The following HDAC9 variants were observed in gnomAD, a reference collection of about 807,000 sequenced individuals.
HDAC9 encodes MEF-2 interacting transcription repressor (MITR) protein.
Under a neutral mutation model 139.4 loss-of-function variants are expected in HDAC9, and 41 were observed. That is an observed-to-expected ratio of 0.29 (90% CI 0.23 to 0.38). HDAC9 has a LOEUF of 0.38. Among genes scored for constraint, HDAC9 ranks in the 10% least tolerant of loss-of-function variants. The pLI, the probability that HDAC9 is intolerant of heterozygous loss-of-function variation, is 1.00. For missense variants in HDAC9, 1,147 were observed against 1,297.0 expected, an observed-to-expected ratio of 0.88 and a Z score of 1.78; for synonymous variants, 517 against 476.2, an observed-to-expected ratio of 1.09 and a Z score of -1.12.
chr7:18,907,587 T>G (rs1234926974), intron 22 of HDAC9, among the ~76,000 whole-genome samples: 1 of 152,224 alleles, frequency 6.6e-6, no homozygotes, highest in Admixed American at 6.5e-5. Context: ...GACCACAGGC[T>G]TTCTGGGAAG....
intron 1 of HDAC9, among the ~76,000 whole-genome samples, chr7:18,486,935 A>G (rs564920554): frequency 2.1e-4 from 32 of 152,104 alleles, no homozygotes; most frequent in South Asian, 4.1e-4. Flanking sequence ...GTAGATTCAT[A>G]TGTATCTATT....
chr7:18,281,128 T>A (rs1339610861), intron 2 of HDAC9, among the ~76,000 whole-genome samples: 1 of 152,190 alleles, frequency 6.6e-6, no homozygotes, highest in Non-Finnish European at 1.5e-5. Context: ...GCTTAGTTTG[T>A]GAGTCTGAGA....
At chr7:18,292,016 A>G (rs1407824128) in intron 1 of HDAC9, among the ~76,000 whole-genome samples, 1 of 152,136 alleles carries the variant, frequency 6.6e-6, no homozygotes, top group Non-Finnish European at 1.5e-5. Context: ...CAGGGCTGCA[A>G]GTTGCTCAGA....
At chr7:18,521,964 A>G (rs1229556938) in intron 2 of HDAC9, among the ~76,000 whole-genome samples, 1 of 152,190 alleles carries the variant, frequency 6.6e-6, no homozygotes, top group Non-Finnish European at 1.5e-5. Flanking sequence ...AGGAAAAATC[A>G]GTTATTGAAA....
At chr7:18,927,863 C>T (rs1389891103) in intron 22 of HDAC9, among the ~76,000 whole-genome samples, 1 of 152,080 alleles carries the variant, frequency 6.6e-6, no homozygotes, top group African/African-American at 2.4e-5. Flanking sequence ...ATGGAGGTTG[C>T]CAGAATCATT....
chr7:18,253,449 A>G (rs559056727), intron 2 of HDAC9, among the ~76,000 whole-genome samples: 1 of 152,256 alleles, frequency 6.6e-6, no homozygotes, highest in East Asian at 1.9e-4. Context: ...GCCATTCTTA[A>G]TGGTATGAGA....
At chr7:18,875,586 A>C (rs954440849) in intron 22 of HDAC9, among the ~76,000 whole-genome samples, 10 of 152,184 alleles carry the variant, frequency 6.6e-5, no homozygotes, top group African/African-American at 2.4e-4. Context: ...ACTATTTTTA[A>C]CATGTATTAT....
upstream of HDAC9, among the ~76,000 whole-genome samples, chr7:18,287,772 G>A (rs551846126): frequency 2.4e-4 from 37 of 152,314 alleles, no homozygotes; most frequent in Admixed American, 1.6e-3. Context: ...TTTTCAATGA[G>A]GCTGTACTGG....
Position 18,261,627 on chromosome 7 carries a change from C to T in HDAC9, c.25+99278C>T, listed in dbSNP as rs1251643118. On this transcript the variant is annotated intron_variant, in intron 2 of 12. Transcript: ENST00000417496. ...TGAGATGCAATATAAAGTACCCACG[C>T]AAAAGGTTTGAGGCTTATGCAGAAA... Among the ~76,000 whole-genome samples the T allele has an allele frequency of 2.6e-5, 4 of 152,246 alleles. No individual in the cohort carries two copies. In the East Asian group the frequency reaches 7.7e-4, roughly 29 times the overall value.
chr7:18,200,597 G>T, intron 2 of HDAC9, among the ~76,000 whole-genome samples: 1 of 152,162 alleles, frequency 6.6e-6, no homozygotes, highest in Non-Finnish European at 1.5e-5. Flanking sequence ...TCATCCGCAA[G>T]CTAATATGGG....
chr7:18,856,093 G>A (rs1339321265), intron 21 of HDAC9, among the ~76,000 whole-genome samples: 1 of 152,096 alleles, frequency 6.6e-6, no homozygotes, highest in Non-Finnish European at 1.5e-5. Flanking sequence ...AGTCATGGGA[G>A]ATGAATCCTG....
intron 12 of HDAC9, among the ~76,000 whole-genome samples, chr7:18,713,765 G>T (rs1169439870): frequency 6.6e-6 from 1 of 152,110 alleles, no homozygotes; most frequent in Non-Finnish European, 1.5e-5. Context: ...TTAATGAAGT[G>T]GTTAAAGACT....
intron 16 of HDAC9, among the ~76,000 whole-genome samples, chr7:18,784,514 C>CAAAAAAA (rs919229671): frequency 1.4e-5 from 2 of 146,448 alleles, no homozygotes; most frequent in Non-Finnish European, 3.0e-5. Context: ...AAACAAAAAA[C>CAAAAAAA]AAAAAAAAAA....
intron 2 of HDAC9, among the ~76,000 whole-genome samples, chr7:18,259,800 T>C (rs954969129): frequency 2.3e-4 from 35 of 152,340 alleles, no homozygotes; most frequent in African/African-American, 8.4e-4. Flanking sequence ...CCCACTTTTA[T>C]TGGGTAATAA....
intron 22 of HDAC9, among the ~76,000 whole-genome samples, chr7:18,933,955 C>G (rs1781438656): frequency 6.6e-6 from 1 of 151,710 alleles, no homozygotes; most frequent in African/African-American, 2.4e-5. Flanking sequence ...AGCTCTGATT[C>G]AAAAATATAC....
At chr7:18,657,004 T>C (rs1330079884) in intron 11 of HDAC9, among the ~76,000 whole-genome samples, 2 of 152,260 alleles carry the variant, frequency 1.3e-5, no homozygotes, top group Admixed American at 6.5e-5. Context: ...TGATGTCTCA[T>C]TGTAATTTTG....
chr7:18,691,555 A>G (rs1309853087), intron 12 of HDAC9, among the ~76,000 whole-genome samples: 1 of 151,990 alleles, frequency 6.6e-6, no homozygotes, highest in Non-Finnish European at 1.5e-5. Context: ...GCTTGTAGGT[A>G]AAGGGGAAGA....
intron 21 of HDAC9, among the ~76,000 whole-genome samples, chr7:18,845,021 A>G (rs1381427319): frequency 6.6e-6 from 1 of 152,180 alleles, no homozygotes; most frequent in South Asian, 2.1e-4. Flanking sequence ...AGATAATAAA[A>G]TCTGACGTGT....
intron 2 of HDAC9, among the ~76,000 whole-genome samples, chr7:18,242,893 G>A (rs1383758785): frequency 1.3e-5 from 2 of 152,146 alleles, no homozygotes; most frequent in East Asian, 3.8e-4. Flanking sequence ...CATCACATTT[G>A]TTGACAGAAA....
Sources: gnomAD v4.1 joint callset for allele counts (sites outside exome capture counted in the v4.1 genomes callset) on GRCh38, gnomAD v4.1.1 for gene constraint, MANE v1.5 for transcripts, NCBI Gene and HGNC (gene_info 2026-07-23, HGNC 2026-07-21) for gene names.